Variants in CDH8 observed in about 807,000 individuals in gnomAD.
CDH8 encodes cadherin 8.
Under a neutral mutation model 68.1 loss-of-function variants are expected in CDH8, and 17 were observed. That is an observed-to-expected ratio of 0.25 (90% CI 0.17 to 0.37). The LOEUF (loss-of-function observed/expected upper bound fraction) is 0.37, where lower values mean the gene tolerates loss of function less well. Ranked by LOEUF, CDH8 falls within the 10% of genes least tolerant of loss-of-function variation. The pLI is 1.00. For synonymous variants in CDH8, 372 were observed against 365.1 expected (o/e 1.02, Z -0.21); for missense variants, 763 against 999.3 (o/e 0.76, Z 3.19).
intron 8 of CDH8, among the ~76,000 whole-genome samples, chr16:61,736,005 A>G (rs899094502): frequency 1.3e-5 from 2 of 151,780 alleles, no homozygotes; most frequent in African/African-American, 4.8e-5. Flanking sequence ...CCCGGGAGGT[A>G]GAGGTTGTAG....
chr16:61,691,932 G>C (rs1202970693), intron 10 of CDH8: 4 of 152,056 alleles, frequency 2.6e-5, no homozygotes, highest in African/African-American at 9.7e-5. Flanking sequence ...ATATGCAGGG[G>C]AAATACATCA....
intron 2 of CDH8, among the ~76,000 whole-genome samples, chr16:61,980,132 A>G (rs943345066): frequency 1.3e-5 from 2 of 152,194 alleles, no homozygotes; most frequent in African/African-American, 4.8e-5. Flanking sequence ...AGGGGCAGAA[A>G]TATATATTTG....
chr16:61,939,092 T>C (rs1438634196), intron 2 of CDH8, among the ~76,000 whole-genome samples: 1 of 152,236 alleles, frequency 6.6e-6, no homozygotes, highest in African/African-American at 2.4e-5. Context: ...ATTCTGAGTT[T>C]CTTAATTCCT....
Position 61,653,222 on chromosome 16 carries a change from T to G in CDH8, c.*386A>C, listed in dbSNP as rs138340944. 1.1e-4 allele frequency: 133 copies of G among 1,197,446 alleles called. No individual in the cohort carries two copies. The African/African-American group carries it at 1.8e-3, about 17-fold the overall frequency. The allele number at this position is 1,197,446 out of a possible 1,614,324, so 74.2% of individuals were successfully genotyped here. A position where few individuals can be genotyped will look rare whatever the true frequency, so the allele number is the denominator to read the frequency against. The stretch of plus-strand genomic sequence containing the variant: ...TAAAAATCCTTGCAGAAGACACATA[T>G]CAGCAGCAGATTCCTTGCAGGTCCG... On this transcript the variant is annotated 3_prime_UTR_variant, in exon 12 of 12. Coordinates refer to ENST00000577390, the MANE Select transcript of CDH8 (RefSeq NM_001796.5).
intron 8 of CDH8, among the ~76,000 whole-genome samples, chr16:61,740,192 A>C (rs1479006162): frequency 6.6e-6 from 1 of 151,934 alleles, no homozygotes. Context: ...GGGGTGAGCC[A>C]CTGCGCCCGG....
In CDH8 at chr16:62,036,431, G is replaced by A. The variant is rs922987244; in HGVS notation, c.-551C>T. 6.6e-6 allele frequency: 1 copy of A among 152,526 alleles called. No homozygotes were observed. The highest frequency in any genetic ancestry group is 1.5e-5 in the Non-Finnish European group (1 of 68,284). The allele number at this position is 152,526 out of a possible 1,614,324, so 9.4% of individuals were successfully genotyped here. A position where few individuals can be genotyped will look rare whatever the true frequency, so the allele number is the denominator to read the frequency against. On this transcript the variant is annotated 5_prime_UTR_variant, in exon 1 of 12. Transcript: ENST00000577390. Reference sequence around the variant, plus strand: ...GTGCGAGCCCGCCTGCCTGCCAAATGTAACTGTGAAGTGATGTGGAAAAGT... The same window carrying A: ...GTGCGAGCCCGCCTGCCTGCCAAATATAACTGTGAAGTGATGTGGAAAAGT...
At chr16:61,748,554 C>T (rs539037345) in intron 8 of CDH8, among the ~76,000 whole-genome samples, 18 of 151,648 alleles carry the variant, frequency 1.2e-4, no homozygotes, top group Non-Finnish European at 2.1e-4. Context: ...ATTATTGAAA[C>T]TTACGAATAA....
At chr16:61,687,128 G>A (rs895687099) in intron 10 of CDH8, among the ~76,000 whole-genome samples, 1 of 151,772 alleles carries the variant, frequency 6.6e-6, no homozygotes, top group Admixed American at 6.6e-5. Flanking sequence ...CAGTATGCCT[G>A]GATTATAATA....
intron 8 of CDH8, among the ~76,000 whole-genome samples, chr16:61,756,191 G>C (rs1258515374): frequency 6.6e-6 from 1 of 151,962 alleles, no homozygotes; most frequent in East Asian, 1.9e-4. Context: ...ACATTTTTGT[G>C]TCTTTAAAAT....
intron 2 of CDH8, among the ~76,000 whole-genome samples, chr16:61,932,218 A>AAAAAG (rs1555522372): frequency 0.034 from 5,010 of 146,810 alleles, 327 homozygotes; most frequent in African/African-American, 0.12. Flanking sequence ...AAAAAAAAAA[A>AAAAAG]AAAAGAAAAG....
In CDH8 at chr16:61,651,679, T is replaced by C. The variant is rs1363516694; in HGVS notation, c.*1929A>G. The C allele has an allele frequency of 6.6e-6, 1 of 152,196 alleles. No individual in the cohort carries two copies. The highest frequency in any genetic ancestry group is 6.5e-5 in the Admixed American group (1 of 15,274). 9.4% of individuals were successfully genotyped at this position (152,196 alleles called of 1,614,324 possible). ...TGCAGTCTAAGACTCTCTTGCCAAA[T>C]CCTGCTCCCAATCCCTCTATTGTTA... On this transcript the variant is annotated 3_prime_UTR_variant, in exon 12 of 12. Transcript: ENST00000577390.
At position 61,681,021 on chromosome 16, in the gene CDH8, G is replaced by A. The variant is rs539894920; in HGVS notation, c.1655-25300C>T. Among the ~76,000 whole-genome samples, 13 of 151,916 alleles carry A rather than the reference G, an allele frequency of 8.6e-5. No homozygotes were observed. In the East Asian group the frequency reaches 9.7e-4, roughly 11 times the overall value. ...TTTATATATATTTAAAAAAAGGACC[G>A]TAAAAGTTGTTTGTGGAGACAGGGA... On this transcript the variant is annotated intron_variant, in intron 10 of 11. Coordinates refer to ENST00000577390, the MANE Select transcript of CDH8 (RefSeq NM_001796.5).
At chr16:61,796,254 A>C (rs1230840175) in intron 7 of CDH8, among the ~76,000 whole-genome samples, 1 of 152,088 alleles carries the variant, frequency 6.6e-6, no homozygotes, top group Non-Finnish European at 1.5e-5. Flanking sequence ...GTTTTATTTT[A>C]GGTTAAAAAA....
intron 2 of CDH8, among the ~76,000 whole-genome samples, chr16:61,953,371 CT>C (rs1182237486): frequency 6.6e-6 from 1 of 152,090 alleles, no homozygotes; most frequent in Non-Finnish European, 1.5e-5. Flanking sequence ...GATATTTTTT[CT>C]GTACAGGAAC....
chr16:61,751,401 A>G (rs924929796), intron 8 of CDH8, among the ~76,000 whole-genome samples: 4 of 150,182 alleles, frequency 2.7e-5, no homozygotes, highest in African/African-American at 9.7e-5. Flanking sequence ...AAAAAAAAAA[A>G]AAAAAAAAAA....
chr16:62,024,607 C>T lies in CDH8; in HGVS notation c.-199-3005G>A, dbSNP rs148345445. Among the ~76,000 whole-genome samples the T allele has an allele frequency of 1.9e-3, 293 of 152,276 alleles. 1 individual carries two copies. The highest frequency in any genetic ancestry group is 6.8e-3 in the African/African-American group (282 of 41,550). ...GAATAAGTTAAAAAATGATAATAGACTCTGGACCAATGTTATGCAATGGCA... is the reference window on the plus strand; with the variant it reads ...GAATAAGTTAAAAAATGATAATAGATTCTGGACCAATGTTATGCAATGGCA... On this transcript the variant is annotated intron_variant, in intron 1 of 11. Transcript: ENST00000577390.
intron 10 of CDH8, among the ~76,000 whole-genome samples, chr16:61,701,970 CTA>C (rs1964437460): frequency 6.6e-6 from 1 of 152,120 alleles, no homozygotes; most frequent in African/African-American, 2.4e-5. Context: ...ATAACAATTT[CTA>C]TGTTTTTCTA....
chr16:61,829,157 A>G (rs1340567400), intron 4 of CDH8, among the ~76,000 whole-genome samples: 2 of 151,516 alleles, frequency 1.3e-5, no homozygotes, highest in East Asian at 3.9e-4. Flanking sequence ...TCCCCCAAAG[A>G]CTCCTGCAAA....
chr16:61,789,949 C>T (rs1388328860), intron 7 of CDH8, among the ~76,000 whole-genome samples: 1 of 151,934 alleles, frequency 6.6e-6, no homozygotes, highest in East Asian at 1.9e-4. Flanking sequence ...TATGGGATTT[C>T]ATTTTGTTGT....
Sources: allele counts gnomAD v4.1 joint callset (sites outside exome capture counted in the v4.1 genomes callset), GRCh38; gene constraint gnomAD v4.1.1; transcripts MANE v1.5; gene names NCBI Gene and HGNC (gene_info 2026-07-23, HGNC 2026-07-21).